The following MAST3 variants were observed in gnomAD, a reference collection of about 807,000 sequenced individuals.
The protein encoded by MAST3 is microtubule-associated serine/threonine-protein kinase 3.
A neutral mutation model predicts 127.0 loss-of-function variants in MAST3; 43 were observed. The observed-to-expected ratio is 0.34, with a 90% confidence interval of 0.27 to 0.44. The LOEUF (loss-of-function observed/expected upper bound fraction) is 0.44, where lower values mean the gene tolerates loss of function less well. MAST3 is among the 20% of genes least tolerant of loss of function. The pLI is 1.00. For synonymous variants in MAST3, 785 were observed against 809.2 expected (o/e 0.97, Z 0.51); for missense variants, 1,390 against 1,919.1 (o/e 0.72, Z 5.15).
chr19:18,119,183 T>A (rs1377591444), intron 3 of MAST3, among the ~76,000 whole-genome samples: 5 of 152,166 alleles, frequency 3.3e-5, no homozygotes, highest in Non-Finnish European at 5.9e-5. Context: ...TGCTTAGTTC[T>A]CCTTTGAGGC....
At chr19:18,120,749 G>A (rs112753393) in intron 3 of MAST3, among the ~76,000 whole-genome samples, 2,356 of 151,706 alleles carry the variant, frequency 0.016, 55 homozygotes, top group African/African-American at 0.051. Context: ...TTTTTGAGAC[G>A]GAGTTTCACT....
intron 3 of MAST3, among the ~76,000 whole-genome samples, chr19:18,119,654 T>A (rs1414111880): frequency 1.3e-5 from 2 of 152,140 alleles, no homozygotes; most frequent in Non-Finnish European, 2.9e-5. Context: ...GACAACAGTG[T>A]ATGTACCCGA....
In MAST3 at chr19:18,145,750, A is replaced by G. The variant is rs1436758790; in HGVS notation, c.3047A>G (p.Glu1016Gly). 2 of 1,588,870 alleles carry G rather than the reference A, an allele frequency of 1.3e-6. No individual in the cohort carries two copies. Among genetic ancestry groups the G allele is most frequent in the Admixed American group, 1.9e-5 (1 of 53,526 alleles). ...GTTCTCGTCTGCCCCCAGAGTGTGG[A>G]GGACGGAAGCCCCGCCCAGGAGGCG... ...YTVHHVVWSV[E>G]DGSPAQEAGL... Residue 1016 changes from glutamate (E) to glycine (G), a missense_variant, in exon 25 of 28, where the codon GAG becomes GGG. By Grantham distance (98) the Glu-to-Gly change is moderately conservative. This residue lies in a region of MAST3 where 816 missense variants were observed against 934.1 expected (regional missense o/e 0.87). Coordinates refer to ENST00000687212, the MANE Select transcript of MAST3 (RefSeq NM_001393504.1). The surrounding 1 kb of genome is among the most constrained non-coding windows in gnomAD (Gnocchi z 5.9).
At chr19:18,118,408 C>A (rs545093948) in intron 3 of MAST3, among the ~76,000 whole-genome samples, 10 of 152,180 alleles carry the variant, frequency 6.6e-5, no homozygotes, top group Admixed American at 3.3e-4. Context: ...GAGGTGTCCC[C>A]TGGGGTCCCT....
rs62123561 is a variant in MAST3 at position 18,107,634 on chromosome 19, A to G, written c.71+16A>G. ...GAGGACGTGGGTGAGTTCACCTGGGACTGGCGGGCTGGGTGGGCCCCAGTG... is the reference window on the plus strand; with the variant it reads ...GAGGACGTGGGTGAGTTCACCTGGGGCTGGCGGGCTGGGTGGGCCCCAGTG... On this transcript the variant is annotated intron_variant, in intron 2 of 27. Coordinates refer to ENST00000687212, the MANE Select transcript of MAST3 (RefSeq NM_001393504.1). 0.41 allele frequency: 665,452 copies of G among 1,609,888 alleles called. 140,482 individuals are homozygous for G. Among genetic ancestry groups the G allele is most frequent in the Admixed American group, 0.44 (26,056 of 59,362 alleles).
intron 1 of MAST3, among the ~76,000 whole-genome samples, chr19:18,104,179 CAAAAAAAAAAAAAAAAA>C (rs56347763): frequency 1.0e-3 from 45 of 43,480 alleles, no homozygotes; most frequent in South Asian, 5.1e-3. Context: ...GACGCTGTCT[CAAAAAAAAAAAAAAAAA>C]AAAAAAAAAA....
rs1370171389 is a variant in MAST3, at chr19:18,128,716, A to T, written c.1138-150A>T. 4.3e-6 allele frequency: 3 copies of T among 691,040 alleles called. No homozygotes were observed. In the African/African-American group the frequency reaches 5.4e-5, roughly 12 times the overall value. The allele number at this position is 691,040 out of a possible 1,614,324, so 42.8% of individuals were successfully genotyped here. On this transcript the variant is annotated intron_variant, in intron 12 of 27. Coordinates refer to ENST00000687212, the MANE Select transcript of MAST3 (RefSeq NM_001393504.1). Reference sequence around the variant, plus strand: ...GAGGAGGGCACAGCTGTGAGCAAAAAAGTACAGAAAGTCAGAAGCTGAGTT... The same window carrying T: ...GAGGAGGGCACAGCTGTGAGCAAAATAGTACAGAAAGTCAGAAGCTGAGTT...
chr19:18,123,462 GA>G lies in MAST3; in HGVS notation c.557+89del, dbSNP rs1481642259. Reference sequence around the variant, plus strand: ...GTGGCTCCTCCTTCACCCCAGCCCTGACCCTGCCTGAGCCTAGCCTCTGATT... The same window carrying G: ...GTGGCTCCTCCTTCACCCCAGCCCTGCCCTGCCTGAGCCTAGCCTCTGATT... On this transcript the variant is annotated intron_variant, in intron 7 of 27. Coordinates refer to ENST00000687212, the MANE Select transcript of MAST3 (RefSeq NM_001393504.1). 5 of 1,488,648 alleles carry G rather than the reference GA, an allele frequency of 3.4e-6. No homozygotes were observed. In the African/African-American group the frequency reaches 6.9e-5, roughly 21 times the overall value. The allele number at this position is 1,488,648 out of a possible 1,614,324, so 92.2% of individuals were successfully genotyped here.
At position 18,145,554 on chromosome 19, in the gene MAST3, G is replaced by A. The variant is rs2042938202; in HGVS notation, c.3040-189G>A. On this transcript the variant is annotated intron_variant, in intron 24 of 27. Coordinates refer to ENST00000687212, the MANE Select transcript of MAST3 (RefSeq NM_001393504.1). The surrounding 1 kb of genome is among the most constrained non-coding windows in gnomAD (Gnocchi z 5.9). ...GGTTGCTCCCTGAACAGACACAGAA[G>A]GCTTTCTGGAGAAGGGGGCGTAGGA... 6.6e-6 allele frequency among the ~76,000 whole-genome samples: 1 copy of A among 152,118 alleles called. No homozygotes were observed. The highest frequency in any genetic ancestry group is 1.5e-5 in the Non-Finnish European group (1 of 68,002).
rs56399952 is a variant in MAST3, at chr19:18,144,000, C to G, written c.2577C>G (p.Ser859Arg). 3.8e-6 allele frequency: 6 copies of G among 1,564,380 alleles called. No homozygotes were observed. The highest frequency in any genetic ancestry group is 4.3e-6 in the Non-Finnish European group (5 of 1,154,190). ...AATPVMPKPS[S>R]LSADTAALSH... The stretch of plus-strand genomic sequence containing the variant: ...CCCCAGTGATGCCCAAGCCCTCGAG[C>G]CTTTCTGGTAAGTGGGGCCCTGAGT... The change falls in exon 22 of 28, where the codon AGC becomes AGG. Residue 859 changes from serine (S) to arginine (R), a missense_variant. By Grantham distance (110) the Ser-to-Arg change is moderately radical. This residue lies in a region of MAST3 where 816 missense variants were observed against 934.1 expected (regional missense o/e 0.87). Coordinates refer to ENST00000687212, the MANE Select transcript of MAST3 (RefSeq NM_001393504.1).
chr19:18,147,726 T>C (rs2035734503), intron 27 of MAST3, 102 bp downstream of exon 27: 1 of 850,554 alleles, frequency 1.2e-6, no homozygotes, highest in Admixed American at 2.9e-5. Context: ...TGACACGATG[T>C]AGGGAAAAAG....
At chr19:18,128,668 C>T (rs1264359547) in intron 12 of MAST3, among the ~76,000 whole-genome samples, 198 bp from the exon 13 acceptor site, 6 of 152,268 alleles carry the variant, frequency 3.9e-5, no homozygotes, top group African/African-American at 7.2e-5. Flanking sequence ...GTGAGTTTTG[C>T]AGGACGTGTA....
rs745381952 is a variant in MAST3, at chr19:18,146,968, C to T, written c.3250C>T (p.Arg1084Cys). 6.4e-6 allele frequency: 10 copies of T among 1,564,142 alleles called. No individual in the cohort carries two copies. The highest frequency in any genetic ancestry group is 5.9e-5 in the South Asian group (5 of 84,750). The change falls in exon 26 of 28, where the codon CGC becomes TGC. Residue 1084 changes from arginine (R) to cysteine (C), a missense_variant. Arg to Cys is a radical substitution (Grantham distance 180). Coordinates refer to ENST00000687212, the MANE Select transcript of MAST3 (RefSeq NM_001393504.1). ...CGCCCGGAAGAATGTGGCCAAGGGC[C>T]GCATGGCACGCAGGAGCAAGAGGAG... ...GPARKNVAKG[R>C]MARRSKRSRR...
intron 8 of MAST3, 126 bp from the exon 9 acceptor site, chr19:18,123,813 G>C (rs2147216353): frequency 9.4e-7 from 1 of 1,064,068 alleles, no homozygotes; most frequent in African/African-American, 1.6e-5. Context: ...TCCTGCACCA[G>C]CCCTCCCACC....
Position 18,141,887 on chromosome 19 carries a change from C to T in MAST3, c.2211C>T (p.Tyr737=), listed in dbSNP as rs1255502297. ...TCTTTTGTCTTGCCTCCCAGGTCTA[C>T]AGCAGCTCTGAGTTCCTGGCCGTCC... ...SSCSHRFSKV[Y]SSSEFLAVQP... The change falls in exon 21 of 28, where the codon TAC becomes TAT. Residue 737 remains tyrosine (Y), a synonymous_variant. Coordinates refer to ENST00000687212, the MANE Select transcript of MAST3 (RefSeq NM_001393504.1). The T allele has an allele frequency of 1.2e-5, 17 of 1,468,634 alleles. No individual in the cohort carries two copies. Among genetic ancestry groups the T allele is most frequent in the Admixed American group, 6.9e-5 (3 of 43,612 alleles). The allele number at this position is 1,468,634 out of a possible 1,614,324, so 91.0% of individuals were successfully genotyped here.
At position 18,149,779 on chromosome 19, in the gene MAST3, G is replaced by A; in HGVS notation, c.*53G>A. 6.2e-7 allele frequency: 1 copy of A among 1,600,372 alleles called. No homozygotes were observed. The highest frequency in any genetic ancestry group is 8.5e-7 in the Non-Finnish European group (1 of 1,177,756). The stretch of plus-strand genomic sequence containing the variant: ...AAAGTTACGCGTTTTCTTGTGCAAT[G>A]TTTTTTCCGTAAAGTCATGCCTGGA... On this transcript the variant is annotated 3_prime_UTR_variant, in exon 28 of 28. Coordinates refer to ENST00000687212, the MANE Select transcript of MAST3 (RefSeq NM_001393504.1). The surrounding 1 kb of genome is among the most constrained non-coding windows in gnomAD (Gnocchi z 5.9).
In MAST3 at chr19:18,120,798, C is replaced by G. The variant is rs371735994; in HGVS notation, c.162-887C>G. Among the ~76,000 whole-genome samples the G allele has an allele frequency of 8.5e-5, 13 of 152,176 alleles. No homozygotes were observed. In the East Asian group the frequency reaches 1.7e-3, roughly 20 times the overall value. On this transcript the variant is annotated intron_variant, in intron 3 of 27. Coordinates refer to ENST00000687212, the MANE Select transcript of MAST3 (RefSeq NM_001393504.1). The stretch of plus-strand genomic sequence containing the variant: ...CTGGAGTGTAACGGCACGATCTCAC[C>G]ACAACCTCCACCTCCTGGGTTCAAG...
chr19:18,109,269 C>T (rs2038312783), intron 2 of MAST3, among the ~76,000 whole-genome samples: 1 of 152,036 alleles, frequency 6.6e-6, no homozygotes, highest in South Asian at 2.1e-4. Context: ...GGCCCCCAAT[C>T]CCAGGCCATC....
Position 18,128,423 on chromosome 19 carries a change from G to A in MAST3, c.1102G>A (p.Glu368Lys), listed in dbSNP as rs775596153. ...AGAGATGGTGCCACTGAGTCACCTCGAAGAAGAACAGCCCCCAGCACCTGA... is the reference window on the plus strand; with the variant it reads ...AGAGATGGTGCCACTGAGTCACCTCAAAGAAGAACAGCCCCCAGCACCTGA... ...LEEMVPLSHL[E>K]EEQPPAPESP... The change falls in exon 12 of 28, where the codon GAA (glutamate) becomes AAA (lysine). Residue 368 changes from glutamate to lysine, a missense_variant. This residue lies in a region of MAST3 where 277 missense variants were observed against 384.8 expected (regional missense o/e 0.72). Coordinates refer to ENST00000687212, the MANE Select transcript of MAST3 (RefSeq NM_001393504.1). 8.4e-6 allele frequency: 13 copies of A among 1,556,242 alleles called. No individual in the cohort carries two copies. The highest frequency in any genetic ancestry group is 1.2e-5 in the South Asian group (1 of 84,362).
Sources: gnomAD v4.1 joint callset for allele counts (sites outside exome capture counted in the v4.1 genomes callset) on GRCh38, gnomAD v4.1.1 for gene constraint, gnomAD v4.1.1 regional missense constraint, Gnocchi (gnomAD v3.1) non-coding constraint, MANE v1.5 for transcripts, NCBI Gene and HGNC (gene_info 2026-07-23, HGNC 2026-07-21) for gene names.